The following SENP5 variants were observed in gnomAD, a reference collection of about 807,000 sequenced individuals.
SENP5 encodes the protein sentrin-specific protease 5.
Under a neutral mutation model 74.2 loss-of-function variants are expected in SENP5, and 21 were observed. That is an observed-to-expected ratio of 0.28 (90% confidence interval 0.20 to 0.41). SENP5 has a LOEUF of 0.41. Among genes scored for constraint, SENP5 ranks in the 10% least tolerant of loss-of-function variants. The pLI, the probability that SENP5 is intolerant of heterozygous loss-of-function variation, is 1.00. For synonymous variants in SENP5, 311 were observed against 312.7 expected (o/e 0.99, Z 0.06); for missense variants, 717 against 889.1 (o/e 0.81, Z 2.46).
intron 2 of SENP5, among the ~76,000 whole-genome samples, chr3:196,892,947 G>A (rs1268692205): frequency 6.6e-6 from 1 of 152,112 alleles, no homozygotes; most frequent in Admixed American, 6.6e-5. Context: ...CCACTCATGG[G>A]CATTGAGGTT....
At chr3:196,906,730 T>A (rs1228276732) in intron 6 of SENP5, among the ~76,000 whole-genome samples, 1 of 152,338 alleles carries the variant, frequency 6.6e-6, no homozygotes, top group Non-Finnish European at 1.5e-5. Flanking sequence ...GTGTACCTGA[T>A]CCACAGATCA....
intron 2 of SENP5, among the ~76,000 whole-genome samples, chr3:196,898,394 A>G (rs1243064771): frequency 2.0e-5 from 3 of 151,476 alleles, no homozygotes; most frequent in Non-Finnish European, 4.4e-5. Flanking sequence ...CCAGAAGTTC[A>G]AGACCAGCCT....
At chr3:196,900,206 G>T in intron 4 of SENP5, 144 bp downstream of exon 4, 1 of 1,211,498 alleles carries the variant, frequency 8.3e-7, no homozygotes, top group Non-Finnish European at 1.1e-6. Flanking sequence ...GATCCAAACG[G>T]TTTGATTACT....
chr3:196,891,761 T>C lies in SENP5; in HGVS notation c.1513+5067T>C, dbSNP rs547482310. Among the ~76,000 whole-genome samples the C allele has an allele frequency of 1.1e-4, 16 of 152,328 alleles. No homozygotes were observed. The South Asian group carries it at 3.3e-3, about 32-fold the overall frequency. The stretch of plus-strand genomic sequence containing the variant: ...TTGAAGTGAGCTATGGTAGCTCGAC[T>C]GCATTCCACGCTGGGTGACAGCAAG... On this transcript the variant is annotated intron_variant, in intron 2 of 9. Coordinates refer to ENST00000323460, the MANE Select transcript of SENP5 (RefSeq NM_152699.5).
chr3:196,910,138 C>T (rs527370591), intron 6 of SENP5, among the ~76,000 whole-genome samples: 3 of 152,012 alleles, frequency 2.0e-5, no homozygotes, highest in African/African-American at 7.2e-5. Context: ...CATGAATGAA[C>T]CCCCATTCAC....
At chr3:196,914,608 T>TATATATATATATATAG (rs1715295145) in intron 6 of SENP5, 1 of 118,214 alleles carries the variant, frequency 8.5e-6, no homozygotes, top group Non-Finnish European at 1.7e-5. Context: ...TATATATATA[T>TATATATATATATATAG]ATATGTCTAC....
chr3:196,914,586 A>AAAAAAATATATATATATATATATAT, intron 6 of SENP5: 2 of 33,498 alleles, frequency 6.0e-5, no homozygotes, highest in Non-Finnish European at 1.0e-4. Context: ...AAAAAAAAAA[A>AAAAAAATATATATATATATATATAT]ATATATATAT....
rs1175184807 is a variant in SENP5 at position 196,867,969 on chromosome 3, C to G, written c.-136C>G. 6.6e-6 allele frequency: 1 copy of G among 152,198 alleles called. No individual in the cohort carries two copies. The highest frequency in any genetic ancestry group is 2.4e-5 in the African/African-American group (1 of 41,458). 9.4% of individuals were successfully genotyped at this position (152,198 alleles called of 1,614,324 possible). A position where few individuals can be genotyped will look rare whatever the true frequency, so the allele number is the denominator to read the frequency against. On this transcript the variant is annotated 5_prime_UTR_variant, in exon 1 of 10. Transcript: ENST00000323460. Reference sequence around the variant, plus strand: ...GCGGCGAACAGGCCGGACGCCTCGTCGCTGGCGGGGCTTCCCTTGGAGCTG... The same window carrying G: ...GCGGCGAACAGGCCGGACGCCTCGTGGCTGGCGGGGCTTCCCTTGGAGCTG...
chr3:196,919,877 G>C (rs902811042), intron 6 of SENP5, among the ~76,000 whole-genome samples: 2 of 151,094 alleles, frequency 1.3e-5, no homozygotes, highest in Non-Finnish European at 2.9e-5. Context: ...CACCATTATA[G>C]AAAGTCAACT....
At chr3:196,898,367 G>A (rs1006083462) in intron 2 of SENP5, among the ~76,000 whole-genome samples, 4 of 150,816 alleles carry the variant, frequency 2.7e-5, no homozygotes, top group African/African-American at 4.9e-5. Flanking sequence ...AGGCTGGAGC[G>A]AAAGGATCAC....
intron 8 of SENP5, 86 bp from the exon 9 acceptor site, chr3:196,929,547 T>C (rs1000977088): frequency 1.8e-5 from 14 of 797,090 alleles, no homozygotes; most frequent in African/African-American, 3.5e-5. Context: ...TTCCTATCTT[T>C]TGCGCATTTT....
At chr3:196,876,999 C>CCA (rs910491946) in intron 1 of SENP5, among the ~76,000 whole-genome samples, 6 of 151,994 alleles carry the variant, frequency 3.9e-5, no homozygotes, top group African/African-American at 1.5e-4. Flanking sequence ...ACTCTGCCAC[C>CCA]CACATTGCTT....
intron 5 of SENP5, among the ~76,000 whole-genome samples, chr3:196,902,766 G>A (rs747111821): frequency 6.6e-6 from 1 of 152,190 alleles, no homozygotes; most frequent in Non-Finnish European, 1.5e-5. Context: ...AGCCAAGGAC[G>A]CAGGACCTGA....
chr3:196,891,445 A>T (rs9809944), intron 2 of SENP5, among the ~76,000 whole-genome samples: 29,331 of 152,130 alleles, frequency 0.19, 3,738 homozygotes, highest in South Asian at 0.37. Context: ...TGGTGTGTGA[A>T]TCACATCTCA....
At chr3:196,919,087 A>G (rs150168364) in intron 6 of SENP5, among the ~76,000 whole-genome samples, 397 of 152,330 alleles carry the variant, frequency 2.6e-3, no homozygotes, top group African/African-American at 8.4e-3. Context: ...AAAGAAGGCA[A>G]GAAAACAAAC....
chr3:196,874,914 GTA>G (rs1223504789), intron 1 of SENP5, among the ~76,000 whole-genome samples: 3 of 151,894 alleles, frequency 2.0e-5, no homozygotes, highest in Non-Finnish European at 4.4e-5. Context: ...TTGCCCTAGG[GTA>G]CATTCTCTCA....
intron 6 of SENP5, among the ~76,000 whole-genome samples, chr3:196,918,123 G>A (rs1715459207): frequency 2.0e-5 from 3 of 149,270 alleles, no homozygotes; most frequent in South Asian, 2.1e-4. Flanking sequence ...TGGCTAACAC[G>A]GTGAAACTCT....
At chr3:196,877,309 A>T (rs558390121) in intron 1 of SENP5, among the ~76,000 whole-genome samples, 1 of 152,122 alleles carries the variant, frequency 6.6e-6, no homozygotes, top group South Asian at 2.1e-4. Flanking sequence ...CAGGCTCCTG[A>T]GAAGCTGGCC....
intron 6 of SENP5, among the ~76,000 whole-genome samples, chr3:196,915,020 C>T (rs1433311962): frequency 6.6e-6 from 1 of 152,204 alleles, no homozygotes; most frequent in East Asian, 1.9e-4. Flanking sequence ...ATTCTGCCAG[C>T]ACCCATGGAG....
Sources: allele counts gnomAD v4.1 joint callset (sites outside exome capture counted in the v4.1 genomes callset), GRCh38; gene constraint gnomAD v4.1.1; transcripts MANE v1.5; gene names NCBI Gene and HGNC (gene_info 2026-07-23, HGNC 2026-07-21).